Variants in PATJ observed in about 807,000 individuals in gnomAD.
PATJ encodes inaD-like protein.
Under a neutral mutation model 224.9 loss-of-function variants are expected in PATJ, and 190 were observed. The ratio of observed to expected loss-of-function variants is 0.84; its 90% CI spans 0.75 to 0.95. The LOEUF is 0.95. Among genes scored for constraint, PATJ ranks in the 40% least tolerant of loss-of-function variants. The probability of loss-of-function intolerance (pLI) is 0.00; values close to 1 mark genes in which losing one functional copy is unlikely to be tolerated. For missense variants in PATJ, 2,121 were observed against 2,270.3 expected (o/e 0.93, Z 1.34); for synonymous variants, 769 against 820.3 (o/e 0.94, Z 1.07).
chr1:61,833,891 A>C, intron 17 of PATJ, 106 bp downstream of exon 17: 1 of 934,988 alleles, frequency 1.1e-6, no homozygotes, highest in South Asian at 1.9e-5. Context: ...GCAAAACTGA[A>C]TCCCAAAGAT....
chr1:61,991,675 T>A, intron 28 of PATJ: 1 of 984,906 alleles, frequency 1.0e-6, no homozygotes, highest in Non-Finnish European at 1.2e-6. Context: ...TTTCTTGTTC[T>A]TTTATAATAT....
intron 28 of PATJ, among the ~76,000 whole-genome samples, chr1:62,012,944 G>C (rs952094580): frequency 9.9e-5 from 15 of 152,186 alleles, no homozygotes; most frequent in African/African-American, 3.4e-4. Flanking sequence ...TTCTTGCTCT[G>C]TTCCCAGTTT....
At chr1:61,810,424 T>A (rs1654471471) in intron 14 of PATJ, among the ~76,000 whole-genome samples, 2 of 151,560 alleles carry the variant, frequency 1.3e-5, no homozygotes, top group South Asian at 4.2e-4. Context: ...CAAAGCTGGG[T>A]GTGGTGGCTC....
chr1:62,146,260 G>C (rs1373258062), intron 41 of PATJ, among the ~76,000 whole-genome samples: 1 of 152,132 alleles, frequency 6.6e-6, no homozygotes, highest in Non-Finnish European at 1.5e-5. Context: ...AGAATGTTAG[G>C]GGAGAGGCAG....
chr1:61,835,986 T>A (rs1660116655), intron 17 of PATJ, among the ~76,000 whole-genome samples: 1 of 152,224 alleles, frequency 6.6e-6, no homozygotes, highest in Admixed American at 6.5e-5. Context: ...GTTGCTCTGA[T>A]GCTCTTAACT....
intron 38 of PATJ, among the ~76,000 whole-genome samples, chr1:62,121,888 A>T (rs1665102516): frequency 6.6e-6 from 1 of 152,176 alleles, no homozygotes; most frequent in South Asian, 2.1e-4. Context: ...GAAAATTAAT[A>T]AATTACAGGT....
intron 34 of PATJ, among the ~76,000 whole-genome samples, chr1:62,112,740 C>T (rs1160174350): frequency 1.3e-5 from 2 of 152,240 alleles, no homozygotes; most frequent in Non-Finnish European, 2.9e-5. Flanking sequence ...CCACCTCTGA[C>T]TTCTTTCCTT....
rs774360860 is a variant in PATJ at position 61,766,379 on chromosome 1, G to C, written c.290G>C (p.Arg97Thr). 1 of 1,611,602 alleles carries C rather than the reference G, an allele frequency of 6.2e-7. No individual in the cohort carries two copies. Among genetic ancestry groups the C allele is most frequent in the African/African-American group, 1.3e-5 (1 of 74,904 alleles). ...DGSITNGNVHRPSNNSTVSGL... is the reference protein window; with the variant it reads ...DGSITNGNVHTPSNNSTVSGL... ...TCCATCACTAATGGAAATGTCCACAGGCCCTCTAATAACTCGACTGTATCT... is the reference window on the plus strand; with the variant it reads ...TCCATCACTAATGGAAATGTCCACACGCCCTCTAATAACTCGACTGTATCT... The change falls in exon 4 of 44, where the codon AGG becomes ACG. Residue 97 changes from arginine (R) to threonine (T), a missense_variant. Transcript: ENST00000642238.
chr1:61,753,544 ACT>A (rs1289354205), intron 1 of PATJ, among the ~76,000 whole-genome samples: 4 of 149,884 alleles, frequency 2.7e-5, no homozygotes, highest in Non-Finnish European at 5.9e-5. Flanking sequence ...ACAGAGTCTC[ACT>A]CTGTCACGGC....
chr1:62,039,707 G>A (rs1297059119), intron 30 of PATJ, among the ~76,000 whole-genome samples: 1 of 152,168 alleles, frequency 6.6e-6, no homozygotes, highest in Non-Finnish European at 1.5e-5. Flanking sequence ...CTTTGGGGAA[G>A]GAGTACAGGC....
At chr1:61,929,188 C>T (rs546262790) in intron 27 of PATJ, among the ~76,000 whole-genome samples, 19 of 152,306 alleles carry the variant, frequency 1.2e-4, no homozygotes, top group South Asian at 4.1e-4. Flanking sequence ...TCAGCTGCCA[C>T]GGAATGGAGC....
chr1:61,946,553 T>C (rs2149364248), intron 27 of PATJ, among the ~76,000 whole-genome samples: 1 of 152,228 alleles, frequency 6.6e-6, no homozygotes, highest in South Asian at 2.1e-4. Flanking sequence ...AATAACAGGT[T>C]CTGAAATTGA....
chr1:61,852,046 C>T (rs922006478), intron 17 of PATJ, among the ~76,000 whole-genome samples: 2 of 148,814 alleles, frequency 1.3e-5, no homozygotes, highest in South Asian at 2.2e-4. Context: ...TGACGGCACA[C>T]ACCTGTAACA....
Position 62,108,790 on chromosome 1 carries a change from TATATA to T in PATJ, c.4461+275_4461+279del, listed in dbSNP as rs1462349740. ...CTATTATTTTAATATCAAATGAGAC[TATATA>T]ATATTGCAAATTTTTTGCCTCTCCA... On this transcript the variant is annotated intron_variant, in intron 34 of 43. Coordinates refer to ENST00000642238, the MANE Select transcript of PATJ (RefSeq NM_001350145.3). Among the ~76,000 whole-genome samples, 6 of 152,136 alleles carry T rather than the reference TATATA, an allele frequency of 3.9e-5. No individual in the cohort carries two copies. In the South Asian group the frequency reaches 1.0e-3, roughly 26 times the overall value.
chr1:61,823,193 C>T, intron 15 of PATJ, 114 bp downstream of exon 15: 1 of 1,021,082 alleles, frequency 9.8e-7, no homozygotes, highest in Middle Eastern at 2.7e-4. Context: ...GTAATATGAG[C>T]CTCTTAGATT....
At chr1:61,918,307 C>CT (rs981322479) in intron 26 of PATJ, among the ~76,000 whole-genome samples, 7,494 of 115,580 alleles carry the variant, frequency 0.065, 451 homozygotes, top group African/African-American at 0.13. Context: ...TTTGTGTATT[C>CT]TTTTTTTTTT....
intron 26 of PATJ, among the ~76,000 whole-genome samples, chr1:61,917,850 A>G (rs1673667273): frequency 6.6e-6 from 1 of 152,026 alleles, no homozygotes. Context: ...TCAGGAGTTC[A>G]AGACCAGCCT....
At chr1:62,055,762 G>A (rs1307744590) in intron 31 of PATJ, among the ~76,000 whole-genome samples, 2 of 152,074 alleles carry the variant, frequency 1.3e-5, no homozygotes, top group East Asian at 1.9e-4. Context: ...AATGTATTAG[G>A]GTTCTCCGAA....
intron 31 of PATJ, among the ~76,000 whole-genome samples, chr1:62,067,123 C>CTTTTTTTTTTTTTTTTTTTTT (rs11381578): frequency 2.1e-4 from 24 of 116,446 alleles, no homozygotes; most frequent in Admixed American, 3.1e-4. Context: ...CCTATTCTTT[C>CTTTTTTTTTTTTTTTTTTTTT]TTTTTTTTTT....
Sources: allele counts gnomAD v4.1 joint callset (sites outside exome capture counted in the v4.1 genomes callset), GRCh38; gene constraint gnomAD v4.1.1; transcripts MANE v1.5; gene names NCBI Gene and HGNC (gene_info 2026-07-23, HGNC 2026-07-21).